CTNND2: variants seen among roughly 807,000 people sequenced by gnomAD.
CTNND2 encodes the protein catenin delta 2, also known as catenin delta-2.
In CTNND2, 22 loss-of-function variants were observed where a neutral mutation model predicts 144.4. The observed-to-expected ratio is 0.15, with a 90% CI of 0.11 to 0.22. The LOEUF (loss-of-function observed/expected upper bound fraction) is 0.22, where lower values mean the gene tolerates loss of function less well. Ranked by LOEUF, CTNND2 falls within the 10% of genes least tolerant of loss-of-function variation. CTNND2 has a pLI of 1.00. For missense variants in CTNND2, 1,353 were observed against 1,618.8 expected (o/e 0.84, Z 2.82); for synonymous variants, 751 against 695.6 (o/e 1.08, Z -1.25).
intron 9 of CTNND2, among the ~76,000 whole-genome samples, chr5:11,241,601 A>T (rs891285440): frequency 1.3e-5 from 2 of 152,224 alleles, no homozygotes; most frequent in Non-Finnish European, 2.9e-5. Flanking sequence ...CACAAAATAG[A>T]TGCTAAAAGA....
At chr5:11,473,485 T>C (rs909410258) in intron 3 of CTNND2, among the ~76,000 whole-genome samples, 16 of 152,164 alleles carry the variant, frequency 1.1e-4, no homozygotes, top group African/African-American at 3.9e-4. Context: ...TAAATTTAGA[T>C]GCGGCAGCAT....
At chr5:11,092,840 T>C (rs573694465) in intron 15 of CTNND2, among the ~76,000 whole-genome samples, 19 of 152,344 alleles carry the variant, frequency 1.2e-4, no homozygotes, top group South Asian at 6.2e-4. Context: ...AAACCATGAT[T>C]CTTAACTTGC....
chr5:11,405,771 G>T (rs1439627998), intron 5 of CTNND2, among the ~76,000 whole-genome samples: 2 of 151,734 alleles, frequency 1.3e-5, no homozygotes, highest in Non-Finnish European at 2.9e-5. Context: ...TATACCCGAG[G>T]TAGGGGGGGA....
chr5:11,633,942 A>T (rs1407059257), intron 2 of CTNND2, among the ~76,000 whole-genome samples: 2 of 152,074 alleles, frequency 1.3e-5, no homozygotes, highest in Non-Finnish European at 2.9e-5. Flanking sequence ...CTTATGCCTG[A>T]TGTTTTTTCT....
chr5:11,747,735 C>T (rs1788392663), intron 1 of CTNND2, among the ~76,000 whole-genome samples: 3 of 152,150 alleles, frequency 2.0e-5, no homozygotes, highest in South Asian at 2.1e-4. Context: ...AAACAAAAAA[C>T]GTGCTTAAGC....
chr5:11,726,872 A>G (rs1415235987), intron 2 of CTNND2, among the ~76,000 whole-genome samples: 2 of 152,198 alleles, frequency 1.3e-5, no homozygotes, highest in Admixed American at 1.3e-4. Context: ...AAGGACAGAT[A>G]GGTATATAAG....
rs961709614 is a variant in CTNND2 at position 11,904,306 on chromosome 5, C to T, written c.-453G>A. Among the ~76,000 whole-genome samples, 4 of 147,622 alleles carry T rather than the reference C, an allele frequency of 2.7e-5. No homozygotes were observed. Among genetic ancestry groups the T allele is most frequent in the Admixed American group, 6.7e-5 (1 of 14,886 alleles). ...CGCGCGCGGCCCGCGCCACCTGTGC[C>T]GCCGCCGCCTCAGCCGCCGAGGGCG... On this transcript the variant is annotated 5_prime_UTR_variant, in exon 1 of 22. Coordinates refer to ENST00000304623, the MANE Select transcript of CTNND2 (RefSeq NM_001332.4). This position sits in a 1 kb window ranked among gnomAD's most constrained non-coding sequence, Gnocchi z 4.2.
At chr5:11,273,806 T>A (rs1223797041) in intron 9 of CTNND2, among the ~76,000 whole-genome samples, 1 of 152,106 alleles carries the variant, frequency 6.6e-6, no homozygotes, top group Non-Finnish European at 1.5e-5. Flanking sequence ...GTAGGTTAGC[T>A]CCCTCTGTGT....
intron 17 of CTNND2, among the ~76,000 whole-genome samples, chr5:11,018,298 C>G (rs1407802475): frequency 6.6e-6 from 1 of 152,136 alleles, no homozygotes; most frequent in Admixed American, 6.6e-5. Context: ...ACTGGCCCTT[C>G]CTCCTCTCTC....
chr5:11,019,106 T>C (rs765966742), intron 17 of CTNND2, among the ~76,000 whole-genome samples: 2 of 152,216 alleles, frequency 1.3e-5, no homozygotes, highest in Non-Finnish European at 2.9e-5. Flanking sequence ...GGAAAGAAGA[T>C]ATTTCTACAA....
intron 9 of CTNND2, among the ~76,000 whole-genome samples, chr5:11,344,209 G>A (rs1754537953): frequency 1.3e-5 from 2 of 151,998 alleles, no homozygotes; most frequent in Admixed American, 6.6e-5. Context: ...TCGAGACCAC[G>A]GTGAAACCCC....
chr5:11,404,580 A>G (rs1309774627), intron 5 of CTNND2, among the ~76,000 whole-genome samples: 1 of 122,674 alleles, frequency 8.2e-6, no homozygotes, highest in East Asian at 2.8e-4. Context: ...TTGTTTGATC[A>G]GTATCTGTCA....
chr5:11,041,792 T>C (rs1293438160), intron 16 of CTNND2, among the ~76,000 whole-genome samples: 1 of 152,226 alleles, frequency 6.6e-6, no homozygotes, highest in African/African-American at 2.4e-5. Flanking sequence ...AGTTGTTATT[T>C]ACTTCTATGC....
rs1281647031 is a variant in CTNND2 at position 11,571,691 on chromosome 5, T to C, written c.175-6635A>G. Among the ~76,000 whole-genome samples, 3 of 152,184 alleles carry C rather than the reference T, an allele frequency of 2.0e-5. No homozygotes were observed. In the East Asian group the frequency reaches 5.8e-4, roughly 29 times the overall value. ...CCCACACCCCGCACCTTCGAGAGAT[T>C]TTCCTGTGTAAATTGGTCTACGATT... On this transcript the variant is annotated intron_variant, in intron 2 of 21. Coordinates refer to ENST00000304623, the MANE Select transcript of CTNND2 (RefSeq NM_001332.4).
chr5:11,038,186 T>C (rs1744283018), intron 16 of CTNND2, among the ~76,000 whole-genome samples: 2 of 152,166 alleles, frequency 1.3e-5, no homozygotes, highest in South Asian at 4.1e-4. Flanking sequence ...GTTGTGTAGC[T>C]TAGGGCAGGG....
chr5:11,119,055 C>T (rs749942888), intron 12 of CTNND2, among the ~76,000 whole-genome samples: 27 of 151,990 alleles, frequency 1.8e-4, no homozygotes, highest in Non-Finnish European at 2.6e-4. Context: ...ATTACTGCAC[C>T]GAGACTTTCT....
chr5:11,900,059 A>G (rs1445855404), intron 1 of CTNND2, among the ~76,000 whole-genome samples: 1 of 152,226 alleles, frequency 6.6e-6, no homozygotes, highest in Non-Finnish European at 1.5e-5. Context: ...ATTGTAATAT[A>G]TAATATATAA....
chr5:11,432,041 AT>A (rs1054895119), intron 3 of CTNND2, among the ~76,000 whole-genome samples: 2 of 150,832 alleles, frequency 1.3e-5, no homozygotes, highest in African/African-American at 4.9e-5. Flanking sequence ...TCCTGGGTAA[AT>A]TTTCTATTTT....
At chr5:11,657,617 A>G (rs1179231382) in intron 2 of CTNND2, among the ~76,000 whole-genome samples, 1 of 152,180 alleles carries the variant, frequency 6.6e-6, no homozygotes, top group South Asian at 2.1e-4. Context: ...TAGTCAAACA[A>G]TTAGTGACAA....
Sources: gnomAD v4.1 joint callset for allele counts (sites outside exome capture counted in the v4.1 genomes callset) on GRCh38, gnomAD v4.1.1 for gene constraint, Gnocchi (gnomAD v3.1) non-coding constraint, MANE v1.5 for transcripts, NCBI Gene and HGNC (gene_info 2026-07-23, HGNC 2026-07-21) for gene names.